The following AGBL1 variants were observed in gnomAD, a reference collection of about 807,000 sequenced individuals.
AGBL1 encodes the protein AGBL carboxypeptidase 1.
Under a neutral mutation model 118.9 loss-of-function variants are expected in AGBL1, and 130 were observed. That is an observed-to-expected ratio of 1.09 (90% CI 0.95 to 1.26). The LOEUF is 1.26. AGBL1 is among the 50% of genes most tolerant of loss of function. The pLI is 0.00. For missense variants in AGBL1, 1,584 were observed against 1,298.1 expected, an observed-to-expected ratio of 1.22 and a Z score of -3.38; for synonymous variants, 555 against 478.9, an observed-to-expected ratio of 1.16 and a Z score of -2.08.
chr15:86,277,304 A>ATGTGTG (rs1463870608), intron 15 of AGBL1, among the ~76,000 whole-genome samples: 3 of 106,264 alleles, frequency 2.8e-5, no homozygotes, highest in Non-Finnish European at 5.7e-5. Context: ...GTGTGTGTGC[A>ATGTGTG]TGTGTGTGTG....
chr15:86,782,276 T>C (rs1312430258), intron 22 of AGBL1, among the ~76,000 whole-genome samples: 3 of 151,360 alleles, frequency 2.0e-5, no homozygotes, highest in African/African-American at 4.8e-5. Flanking sequence ...TATAAAACAA[T>C]GAAGAGTACT....
At chr15:86,873,430 C>G (rs539142565) in intron 22 of AGBL1, among the ~76,000 whole-genome samples, 2 of 152,234 alleles carry the variant, frequency 1.3e-5, no homozygotes, top group South Asian at 2.1e-4. Context: ...TGAAAAATCT[C>G]CACTCCACAA....
chr15:86,657,707 T>C (rs1450310768), intron 21 of AGBL1, among the ~76,000 whole-genome samples: 1 of 152,152 alleles, frequency 6.6e-6, no homozygotes, highest in Non-Finnish European at 1.5e-5. Context: ...ACTTGCTTGC[T>C]CCAAACTTAA....
chr15:86,495,143 T>C (rs1320413928), intron 18 of AGBL1, among the ~76,000 whole-genome samples: 1 of 151,886 alleles, frequency 6.6e-6, no homozygotes. Context: ...TCTTTCTCTC[T>C]CTTTCTCTGT....
intron 18 of AGBL1, among the ~76,000 whole-genome samples, chr15:86,447,635 T>C (rs2082138590): frequency 6.6e-6 from 1 of 152,180 alleles, no homozygotes; most frequent in Admixed American, 6.5e-5. Context: ...GAAACCTTGC[T>C]CTAAGTCTCA....
intron 22 of AGBL1, among the ~76,000 whole-genome samples, chr15:86,829,167 A>G (rs998969080): frequency 1.3e-5 from 2 of 152,082 alleles, no homozygotes; most frequent in African/African-American, 2.4e-5. Context: ...TGCAGTCTCT[A>G]CCATGTGCTG....
intron 22 of AGBL1, among the ~76,000 whole-genome samples, chr15:86,885,826 C>G (rs1022633559): frequency 6.6e-6 from 1 of 152,152 alleles, no homozygotes; most frequent in Non-Finnish European, 1.5e-5. Flanking sequence ...GACTGAAATT[C>G]ATTGCTCTGT....
chr15:86,775,146 T>C (rs1268349916), intron 22 of AGBL1, among the ~76,000 whole-genome samples: 1 of 151,942 alleles, frequency 6.6e-6, no homozygotes, highest in Non-Finnish European at 1.5e-5. Context: ...GAAGGGTCAG[T>C]GGGATATCAA....
chr15:87,013,829 C>G (rs559413254), intron 24 of AGBL1, among the ~76,000 whole-genome samples: 2 of 152,032 alleles, frequency 1.3e-5, no homozygotes, highest in African/African-American at 4.8e-5. Flanking sequence ...ATGCTGAATT[C>G]CCAGCTCAAC....
intron 1 of AGBL1, chr15:86,083,365 T>G (rs1895419798): frequency 6.6e-6 from 1 of 152,198 alleles, no homozygotes; most frequent in South Asian, 2.1e-4. Context: ...GTACGTTTAT[T>G]GAAACATGAA....
At chr15:86,392,797 C>G (rs535076068) in intron 17 of AGBL1, among the ~76,000 whole-genome samples, 1 of 152,206 alleles carries the variant, frequency 6.6e-6, no homozygotes, top group African/African-American at 2.4e-5. Context: ...ATGACTCCCC[C>G]GTAGACTATG....
rs562238806 is a variant in AGBL1 at position 86,908,787 on chromosome 15, G to A, written c.*1493G>A. 2 of 152,230 alleles carry A rather than the reference G, an allele frequency of 1.3e-5. No homozygotes were observed. Among genetic ancestry groups the A allele is most frequent in the Admixed American group, 1.3e-4 (2 of 15,276 alleles). The allele number at this position is 152,230 out of a possible 1,614,324, so 9.4% of individuals were successfully genotyped here. ...AGTGGTAGAGTGAGAGATAGAATAC[G>A]CTAGGTCAAACTTAGGCTGTTTTAG... On this transcript the variant is annotated 3_prime_UTR_variant, in exon 23 of 23. Coordinates refer to ENST00000614907, the MANE Select transcript of AGBL1 (RefSeq NM_001386094.1).
downstream of AGBL1, among the ~76,000 whole-genome samples, chr15:86,921,072 G>C (rs192668300): frequency 6.7e-4 from 102 of 152,328 alleles, no homozygotes; most frequent in African/African-American, 2.0e-3. Context: ...TAAAGGAAGG[G>C]AGGCAGAGGT....
Position 86,636,756 on chromosome 15 carries a change from T to TAC in AGBL1, c.2995-37516_2995-37515insCA, listed in dbSNP as rs1403602693. ...ATATATATATATATATATATATATA[T>TAC]ATACACATACATACAGAAAGGCAAG... On this transcript the variant is annotated intron_variant, in intron 21 of 22. Transcript: ENST00000614907. Among the ~76,000 whole-genome samples the TAC allele has an allele frequency of 1.3e-3, 65 of 51,524 alleles. 6 individuals carry two copies. The highest frequency in any genetic ancestry group is 1.6e-3 in the South Asian group (2 of 1,232). 33.8% of individuals were successfully genotyped at this position (51,524 alleles called of 152,430 possible). A position where few individuals can be genotyped will look rare whatever the true frequency, so the allele number is the denominator to read the frequency against.
At chr15:86,894,233 T>C (rs1262148223) in intron 22 of AGBL1, among the ~76,000 whole-genome samples, 2 of 152,224 alleles carry the variant, frequency 1.3e-5, no homozygotes, top group Non-Finnish European at 2.9e-5. Context: ...CATGATGCTA[T>C]AATGCTATTT....
At chr15:86,359,070 A>C (rs1372192433) in intron 17 of AGBL1, among the ~76,000 whole-genome samples, 1 of 151,774 alleles carries the variant, frequency 6.6e-6, no homozygotes, top group Non-Finnish European at 1.5e-5. Flanking sequence ...ACTGTGCTTT[A>C]AGAGTCATAT....
chr15:86,084,370 G>A (rs1312624084), intron 1 of AGBL1, among the ~76,000 whole-genome samples: 2 of 152,158 alleles, frequency 1.3e-5, no homozygotes, highest in African/African-American at 2.4e-5. Flanking sequence ...CTTGTGCCAG[G>A]CTTTTACCTC....
At chr15:86,590,599 C>G (rs1011464088) in intron 21 of AGBL1, among the ~76,000 whole-genome samples, 1 of 152,178 alleles carries the variant, frequency 6.6e-6, no homozygotes, top group Non-Finnish European at 1.5e-5. Context: ...ATACAGTTTG[C>G]AAAGGGGGTC....
intron 5 of AGBL1, among the ~76,000 whole-genome samples, chr15:86,166,345 C>G (rs1331195962): frequency 6.6e-6 from 1 of 152,150 alleles, no homozygotes; most frequent in African/African-American, 2.4e-5. Flanking sequence ...GCATTCTGAT[C>G]CAGTCTTGGG....
Sources: allele counts gnomAD v4.1 joint callset (sites outside exome capture counted in the v4.1 genomes callset), GRCh38; gene constraint gnomAD v4.1.1; transcripts MANE v1.5; gene names NCBI Gene and HGNC (gene_info 2026-07-23, HGNC 2026-07-21).